Variants in CSRNP3 observed in about 807,000 individuals in gnomAD.
CSRNP3 encodes the protein cysteine/serine-rich nuclear protein 3.
A neutral mutation model predicts 48.0 loss-of-function variants in CSRNP3; 12 were observed. That is an observed-to-expected ratio of 0.25 (90% CI 0.16 to 0.41). CSRNP3 has a LOEUF of 0.41. CSRNP3 is among the 10% of genes least tolerant of loss of function. The pLI, the probability that CSRNP3 is intolerant of heterozygous loss-of-function variation, is 1.00. For missense variants in CSRNP3, 580 were observed against 724.4 expected, an observed-to-expected ratio of 0.80 and a Z score of 2.29; for synonymous variants, 263 against 269.7, an observed-to-expected ratio of 0.98 and a Z score of 0.24.
chr2:165,658,152 T>A lies in CSRNP3; in HGVS notation c.408+132T>A, dbSNP rs1687037480. Reference sequence around the variant, plus strand: ...AACAGACTGCTTGCTGACATTTTTTTAAAGCAAAACGATATAGTCTGTTTG... The same window carrying A: ...AACAGACTGCTTGCTGACATTTTTTAAAAGCAAAACGATATAGTCTGTTTG... On this transcript the variant is annotated intron_variant, in intron 5 of 6. Coordinates refer to ENST00000651982, the MANE Select transcript of CSRNP3 (RefSeq NM_001172173.2). 3.0e-6 allele frequency: 3 copies of A among 1,004,058 alleles called. No homozygotes were observed. In the Admixed American group the frequency reaches 8.5e-5, roughly 29 times the overall value. The allele number at this position is 1,004,058 out of a possible 1,614,324, so 62.2% of individuals were successfully genotyped here. A position where few individuals can be genotyped will look rare whatever the true frequency, so the allele number is the denominator to read the frequency against.
intron 2 of CSRNP3, among the ~76,000 whole-genome samples, chr2:165,506,158 T>G (rs1274663223): frequency 6.6e-6 from 1 of 152,194 alleles, no homozygotes; most frequent in Non-Finnish European, 1.5e-5. Flanking sequence ...CTGCGGAAGA[T>G]GTCTGTGTAC....
chr2:165,539,900 A>G (rs1448344585), intron 3 of CSRNP3, among the ~76,000 whole-genome samples: 3 of 152,078 alleles, frequency 2.0e-5, no homozygotes, highest in Admixed American at 6.6e-5. Flanking sequence ...AGCAAATTCT[A>G]AGAAACTAGA....
chr2:165,527,430 C>T (rs1005076708), intron 3 of CSRNP3, among the ~76,000 whole-genome samples: 2 of 151,934 alleles, frequency 1.3e-5, no homozygotes, highest in Admixed American at 1.3e-4. Flanking sequence ...TGGTCTCGAT[C>T]TCCTGACCTC....
Position 165,507,824 on chromosome 2 carries a change from A to G in CSRNP3, c.-112-10049A>G, listed in dbSNP as rs555776463. Among the ~76,000 whole-genome samples, 6 of 152,252 alleles carry G rather than the reference A, an allele frequency of 3.9e-5. No individual in the cohort carries two copies. The South Asian group carries it at 1.0e-3, about 26-fold the overall frequency. On this transcript the variant is annotated intron_variant, in intron 2 of 6. Transcript: ENST00000651982. ...CTGTTTGGGATACTCCTAACATCTT[A>G]TTGTGGCAGAAAAGATACGGACATA...
intron 3 of CSRNP3, among the ~76,000 whole-genome samples, chr2:165,589,522 T>C (rs977904025): frequency 7.2e-5 from 11 of 152,250 alleles, no homozygotes; most frequent in African/African-American, 2.4e-4. Flanking sequence ...CCAGTAATTA[T>C]ATGAATGTTT....
chr2:165,523,990 G>C (rs1396886860), intron 3 of CSRNP3, among the ~76,000 whole-genome samples: 1 of 152,096 alleles, frequency 6.6e-6, no homozygotes, highest in East Asian at 1.9e-4. Context: ...CTAAACTACA[G>C]AATTACAAGT....
At position 165,522,619 on chromosome 2, in the gene CSRNP3, A is replaced by G. The variant is rs1435199888; in HGVS notation, c.-24+4658A>G. On this transcript the variant is annotated intron_variant, in intron 3 of 6. Coordinates refer to ENST00000651982, the MANE Select transcript of CSRNP3 (RefSeq NM_001172173.2). ...ACATTGAGACTGAGCTAGCCCCTCA[A>G]TGCCATTCACTAATGTAATCAGCGG... Among the ~76,000 whole-genome samples, 5 of 152,024 alleles carry G rather than the reference A, an allele frequency of 3.3e-5. No individual in the cohort carries two copies. In the South Asian group the frequency reaches 8.3e-4, roughly 25 times the overall value.
At chr2:165,619,329 C>T (rs1686301514) in intron 4 of CSRNP3, among the ~76,000 whole-genome samples, 1 of 152,124 alleles carries the variant, frequency 6.6e-6, no homozygotes, top group African/African-American at 2.4e-5. Context: ...CCTACCTAAA[C>T]TCCTTCTGAT....
Position 165,679,690 on chromosome 2 carries a change from A to G in CSRNP3, c.1695A>G (p.Ala565=). Residue 565 remains alanine, a synonymous_variant, in exon 7 of 7, where the codon GCA becomes GCG. Coordinates refer to ENST00000651982, the MANE Select transcript of CSRNP3 (RefSeq NM_001172173.2). Reference sequence around the variant, plus strand: ...CTGCTGAAAATTCTTTGAGCCTTGCAGAAAAGAGCATATTGCATGAAGAGT... The same window carrying G: ...CTGCTGAAAATTCTTTGAGCCTTGCGGAAAAGAGCATATTGCATGAAGAGT... ...EHPAENSLSL[A]EKSILHEECI... is the part of the protein sequence containing the mutation. 6.2e-7 allele frequency: 1 copy of G among 1,614,132 alleles called. No individual in the cohort carries two copies. Among genetic ancestry groups the G allele is most frequent in the Non-Finnish European group, 8.5e-7 (1 of 1,179,994 alleles).
In CSRNP3 at chr2:165,592,845, A is replaced by G. The variant is rs1266306984; in HGVS notation, c.-23-2198A>G. Among the ~76,000 whole-genome samples the G allele has an allele frequency of 9.8e-5, 12 of 121,852 alleles. 1 individual carries two copies. In the South Asian group the frequency reaches 2.1e-3, roughly 21 times the overall value. 79.9% of individuals were successfully genotyped at this position (121,852 alleles called of 152,430 possible). On this transcript the variant is annotated intron_variant, in intron 3 of 6. Transcript: ENST00000651982. ...GAGACGGAGTCTCGCTCTGTCGCCC[A>G]GGCTGGAGTGCAGTGGCGGGATCTC... is the stretch of plus-strand genomic sequence containing the variant.
rs557924301 is a variant in CSRNP3, at chr2:165,638,309, A to G, written c.149-19452A>G. 5.8e-4 allele frequency among the ~76,000 whole-genome samples: 88 copies of G among 152,322 alleles called. No individual in the cohort carries two copies. In the South Asian group the frequency reaches 0.017, roughly 29 times the overall value. On this transcript the variant is annotated intron_variant, in intron 4 of 6. Transcript: ENST00000651982. ...AAACCCCGTCCCTACTAAAAATACA[A>G]AATAAACTGGGTATGGTGGCACATG...
chr2:165,585,663 G>T (rs1162205447), intron 3 of CSRNP3, among the ~76,000 whole-genome samples: 1 of 152,120 alleles, frequency 6.6e-6, no homozygotes, highest in Non-Finnish European at 1.5e-5. Context: ...CTTGCTGGAA[G>T]AATTTACTGG....
chr2:165,599,283 GAGAAAGAA>G lies in CSRNP3; in HGVS notation c.148+4109_148+4116del, dbSNP rs752383197. Among the ~76,000 whole-genome samples the G allele has an allele frequency of 2.3e-3, 242 of 104,830 alleles. 3 individuals are homozygous for G. Among genetic ancestry groups the G allele is most frequent in the African/African-American group, 3.5e-3 (98 of 27,694 alleles). The allele number at this position is 104,830 out of a possible 152,430, so 68.8% of individuals were successfully genotyped here. On this transcript the variant is annotated intron_variant, in intron 4 of 6. Transcript: ENST00000651982. Reference sequence around the variant, plus strand: ...AAAGAAAAAGAAAGAAAGAGAGAGAGAGAAAGAAAGAAAGAAAGAAAGAAAGAAAGAAA... The same window carrying G: ...AAAGAAAAAGAAAGAAAGAGAGAGAGAGAAAGAAAGAAAGAAAGAAAGAAA...
chr2:165,473,560 T>A (rs926511784), intron 1 of CSRNP3, among the ~76,000 whole-genome samples: 1 of 152,180 alleles, frequency 6.6e-6, no homozygotes, highest in African/African-American at 2.4e-5. Context: ...AATCAGATGT[T>A]ATTTTTGACT....
chr2:165,538,036 A>T (rs1684903926), intron 3 of CSRNP3, among the ~76,000 whole-genome samples: 1 of 151,902 alleles, frequency 6.6e-6, no homozygotes, highest in African/African-American at 2.4e-5. Context: ...GGATAAAGAA[A>T]GAAAACAGAG....
At chr2:165,497,787 CCCTAGAGTCTA>C (rs1325357108) in intron 2 of CSRNP3, among the ~76,000 whole-genome samples, 1 of 151,870 alleles carries the variant, frequency 6.6e-6, no homozygotes, top group Non-Finnish European at 1.5e-5. Flanking sequence ...TAATGTAGAT[CCCTAGAGTCTA>C]CCTCTCTACC....
intron 4 of CSRNP3, among the ~76,000 whole-genome samples, chr2:165,655,206 C>T (rs1189802968): frequency 6.6e-6 from 1 of 152,182 alleles, no homozygotes; most frequent in African/African-American, 2.4e-5. Flanking sequence ...CAGCAGTTGA[C>T]ATCTTCCAGA....
intron 4 of CSRNP3, among the ~76,000 whole-genome samples, chr2:165,629,252 TG>T (rs373014692): frequency 2.0e-4 from 30 of 152,290 alleles, no homozygotes; most frequent in African/African-American, 7.0e-4. Flanking sequence ...CCCACCAAGT[TG>T]TTCTCCTGAC....
intron 3 of CSRNP3, among the ~76,000 whole-genome samples, chr2:165,532,554 G>A (rs905311028): frequency 2.7e-4 from 41 of 151,884 alleles, no homozygotes; most frequent in Admixed American, 1.6e-3. Flanking sequence ...TTGATGGGAC[G>A]TATCTCAAAA....
Sources: gnomAD v4.1 joint callset for allele counts (sites outside exome capture counted in the v4.1 genomes callset) on GRCh38, gnomAD v4.1.1 for gene constraint, MANE v1.5 for transcripts, NCBI Gene and HGNC (gene_info 2026-07-23, HGNC 2026-07-21) for gene names.